MYZAP: variants seen among roughly 807,000 people sequenced by gnomAD.
MYZAP encodes myocardial zonula adherens protein.
A neutral mutation model predicts 69.4 loss-of-function variants in MYZAP; 66 were observed. The observed-to-expected ratio is 0.95, with a 90% CI of 0.78 to 1.17. The LOEUF is 1.17. MYZAP is among the 50% of genes most tolerant of loss of function. MYZAP has a pLI of 0.00. For synonymous variants in MYZAP, 256 were observed against 205.9 expected (o/e 1.24, Z -2.09); for missense variants, 611 against 556.2 (o/e 1.10, Z -0.99).
intron 12 of MYZAP, 54 bp from the exon 13 acceptor site, chr15:57,684,348 A>T: frequency 4.4e-6 from 5 of 1,145,964 alleles, no homozygotes; most frequent in African/African-American, 1.5e-5. Flanking sequence ...TGTGAAGCAT[A>T]TGGGGGGTTT....
chr15:57,595,403 TG>T (rs1416233601), intron 1 of MYZAP, among the ~76,000 whole-genome samples: 2 of 152,080 alleles, frequency 1.3e-5, no homozygotes, highest in Non-Finnish European at 2.9e-5. Context: ...CCTTGGGGAA[TG>T]GGGGGAAACG....
chr15:57,626,872 C>T (rs1033361863), intron 5 of MYZAP, among the ~76,000 whole-genome samples: 6 of 152,202 alleles, frequency 3.9e-5, no homozygotes, highest in Admixed American at 6.5e-5. Context: ...GGGTCATCTG[C>T]GATGCCCATT....
intron 12 of MYZAP, among the ~76,000 whole-genome samples, chr15:57,684,076 G>C (rs538298883): frequency 6.6e-6 from 1 of 152,234 alleles, no homozygotes; most frequent in Admixed American, 6.5e-5. Flanking sequence ...TTACAGGCGT[G>C]AGCCACCACG....
intron 1 of MYZAP, among the ~76,000 whole-genome samples, chr15:57,595,122 C>G (rs1315508162): frequency 6.6e-6 from 1 of 152,160 alleles, no homozygotes; most frequent in Non-Finnish European, 1.5e-5. Context: ...TGGACTGCCA[C>G]CAGTTAGCCT....
At chr15:57,655,480 T>C (rs2140522135) in intron 10 of MYZAP, among the ~76,000 whole-genome samples, 1 of 152,306 alleles carries the variant, frequency 6.6e-6, no homozygotes, top group Admixed American at 6.5e-5. Context: ...GCATTCCTGG[T>C]ACCAGAGCAC....
chr15:57,668,994 A>T (rs1314835683), intron 11 of MYZAP, among the ~76,000 whole-genome samples: 9 of 150,852 alleles, frequency 6.0e-5, no homozygotes, highest in African/African-American at 2.2e-4. Context: ...GGCTTAAGTT[A>T]TCTCCTACCT....
At chr15:57,597,020 G>A (rs560880826) in intron 1 of MYZAP, among the ~76,000 whole-genome samples, 10 of 152,208 alleles carry the variant, frequency 6.6e-5, no homozygotes, top group African/African-American at 1.4e-4. Flanking sequence ...CAGGTCCTAC[G>A]TAGAGGAGCC....
chr15:57,639,461 A>C lies in MYZAP; in HGVS notation c.1035A>C (p.Ala345=). The C allele has an allele frequency of 6.2e-7, 1 of 1,614,070 alleles. No homozygotes were observed. The highest frequency in any genetic ancestry group is 1.1e-5 in the South Asian group (1 of 91,048). The change falls in exon 10 of 13, where the codon GCA becomes GCC. Residue 345 remains alanine, a synonymous_variant. Transcript: ENST00000267853. ...DKERYQQLEE[A]SASLRERIRH... is the part of the protein sequence containing the mutation. Reference sequence around the variant, plus strand: ...TTAGGTATCAGCAGTTGGAGGAGGCATCAGCCAGCCTCCGTGAGCGGATCA... The same window carrying C: ...TTAGGTATCAGCAGTTGGAGGAGGCCTCAGCCAGCCTCCGTGAGCGGATCA...
At chr15:57,598,974 C>G (rs1275702253) in intron 1 of MYZAP, among the ~76,000 whole-genome samples, 1 of 152,180 alleles carries the variant, frequency 6.6e-6, no homozygotes, top group South Asian at 2.1e-4. Flanking sequence ...TTCCCACCTC[C>G]CATTAAGATT....
At chr15:57,632,380 C>T (rs1029416322) in intron 6 of MYZAP, 54 bp from the exon 7 acceptor site, 5 of 1,609,816 alleles carry the variant, frequency 3.1e-6, no homozygotes, top group Admixed American at 3.3e-5. Flanking sequence ...GTGGAAGCTG[C>T]CAATTCCTCT....
Position 57,675,069 on chromosome 15 carries a change from G to A in MYZAP, c.1304+1G>A, listed in dbSNP as rs775358008. 3.5e-5 allele frequency: 56 copies of A among 1,595,116 alleles called. No individual in the cohort carries two copies. The Admixed American group carries it at 9.5e-4, about 27-fold the overall frequency. ...GAGTGGGCTGTGATCTTCTACCCAG[G>A]TATTTAGGAATTTCCTGATTTTTTT... On this transcript the variant is annotated splice_donor_variant, in intron 12 of 12. Transcript: ENST00000267853. LOFTEE classifies it high-confidence loss of function.
intron 10 of MYZAP, chr15:57,648,203 A>G (rs2037546281): frequency 2.0e-6 from 2 of 985,142 alleles, no homozygotes; most frequent in African/African-American, 1.7e-5. Flanking sequence ...TTTTTTCTGT[A>G]TGTGTTATAT....
At chr15:57,633,379 G>A (rs1441859376) in intron 7 of MYZAP, among the ~76,000 whole-genome samples, 4 of 151,996 alleles carry the variant, frequency 2.6e-5, no homozygotes, top group Non-Finnish European at 4.4e-5. Context: ...AAGACTTAAG[G>A]GAAAAAAGGG....
chr15:57,661,419 G>C (rs764815383), intron 10 of MYZAP, 31 bp from the exon 11 acceptor site: 2 of 1,523,996 alleles, frequency 1.3e-6, no homozygotes, highest in Admixed American at 3.5e-5. Flanking sequence ...GTACATTTTT[G>C]ATTAACAATT....
intron 9 of MYZAP, among the ~76,000 whole-genome samples, chr15:57,638,346 G>T (rs2036937924): frequency 1.3e-5 from 2 of 152,154 alleles, no homozygotes; most frequent in South Asian, 2.1e-4. Flanking sequence ...CCTGAGTCTT[G>T]CTTGTGCCAC....
intron 2 of MYZAP, among the ~76,000 whole-genome samples, chr15:57,616,603 TCCA>T (rs2035465135): frequency 6.6e-6 from 1 of 151,908 alleles, no homozygotes; most frequent in Non-Finnish European, 1.5e-5. Context: ...GCCGCTGCTC[TCCA>T]ACCTGGCGAG....
intron 11 of MYZAP, among the ~76,000 whole-genome samples, chr15:57,673,664 T>A (rs554575842): frequency 6.6e-6 from 1 of 152,290 alleles, no homozygotes; most frequent in East Asian, 1.9e-4. Flanking sequence ...TCAGAAAGGA[T>A]TCATTGACTT....
intron 1 of MYZAP, among the ~76,000 whole-genome samples, chr15:57,596,709 G>A (rs1173670088): frequency 6.6e-6 from 1 of 152,190 alleles, no homozygotes; most frequent in Non-Finnish European, 1.5e-5. Flanking sequence ...TTTGGCCCGT[G>A]CCTGTGCTGT....
chr15:57,663,797 A>G (rs1451055332), intron 11 of MYZAP, among the ~76,000 whole-genome samples: 1 of 152,268 alleles, frequency 6.6e-6, no homozygotes, highest in East Asian at 1.9e-4. Flanking sequence ...TGTCTATCTA[A>G]TAAGCAAGAC....
Sources: gnomAD v4.1 joint callset for allele counts (sites outside exome capture counted in the v4.1 genomes callset) on GRCh38, gnomAD v4.1.1 for gene constraint, MANE v1.5 for transcripts, NCBI Gene and HGNC (gene_info 2026-07-23, HGNC 2026-07-21) for gene names.